CTNNA3: variants seen among roughly 807,000 people sequenced by gnomAD.
CTNNA3 encodes the protein catenin alpha-3.
In CTNNA3, 76 loss-of-function variants were observed where a neutral mutation model predicts 95.7. The ratio of observed to expected loss-of-function variants is 0.79; its 90% CI spans 0.66 to 0.96. The LOEUF is 0.96. Among genes scored for constraint, CTNNA3 ranks in the 40% least tolerant of loss-of-function variants. CTNNA3 has a pLI of 0.00. For missense variants in CTNNA3, 1,191 were observed against 1,089.8 expected, an observed-to-expected ratio of 1.09 and a Z score of -1.31; for synonymous variants, 431 against 374.4, an observed-to-expected ratio of 1.15 and a Z score of -1.74.
intron 2 of CTNNA3, among the ~76,000 whole-genome samples, chr10:67,634,603 A>G (rs1271507975): frequency 6.6e-6 from 1 of 152,220 alleles, no homozygotes; most frequent in Admixed American, 6.5e-5. Flanking sequence ...AAAGACACAC[A>G]TCAGCTCAAA....
At chr10:65,968,999 G>A (rs1819534488) in intron 16 of CTNNA3, among the ~76,000 whole-genome samples, 1 of 152,182 alleles carries the variant, frequency 6.6e-6, no homozygotes. Context: ...TGCACTACAA[G>A]AATAAGCCCA....
intron 9 of CTNNA3, among the ~76,000 whole-genome samples, chr10:66,669,975 G>C (rs1369745940): frequency 6.6e-6 from 1 of 152,032 alleles, no homozygotes; most frequent in Admixed American, 6.6e-5. Context: ...TAAATTTTGA[G>C]ATGTCTTCTA....
chr10:67,487,650 T>A (rs1325798572), intron 5 of CTNNA3, among the ~76,000 whole-genome samples: 1 of 152,050 alleles, frequency 6.6e-6, no homozygotes, highest in African/African-American at 2.4e-5. Flanking sequence ...AAAGCTAGAG[T>A]TGTAACCTGT....
intron 7 of CTNNA3, among the ~76,000 whole-genome samples, chr10:66,947,516 C>A (rs1469723616): frequency 1.9e-4 from 29 of 151,942 alleles, no homozygotes. Context: ...CTCTTTGTTT[C>A]CCCCACCCTC....
At chr10:67,055,998 C>T (rs1211508467) in intron 7 of CTNNA3, among the ~76,000 whole-genome samples, 1 of 152,016 alleles carries the variant, frequency 6.6e-6, no homozygotes, top group East Asian at 1.9e-4. Context: ...TGCCTCACCT[C>T]TTATGTTCTT....
At chr10:66,965,251 T>A (rs1849336206) in intron 7 of CTNNA3, among the ~76,000 whole-genome samples, 1 of 150,622 alleles carries the variant, frequency 6.6e-6, no homozygotes. Flanking sequence ...TTTGTTTGTT[T>A]TTTGGCTCGG....
At chr10:66,818,553 T>C (rs1842176927) in intron 7 of CTNNA3, among the ~76,000 whole-genome samples, 1 of 152,140 alleles carries the variant, frequency 6.6e-6, no homozygotes, top group Non-Finnish European at 1.5e-5. Context: ...CAAAGGAAGT[T>C]CAAGACTTGC....
At chr10:66,421,913 TATACAC>T in intron 11 of CTNNA3, among the ~76,000 whole-genome samples, 1 of 145,374 alleles carries the variant, frequency 6.9e-6, no homozygotes, top group East Asian at 2.0e-4. Flanking sequence ...TATATATATA[TATACAC>T]ACACACACAA....
intron 3 of CTNNA3, among the ~76,000 whole-genome samples, chr10:67,557,121 T>C (rs1198130851): frequency 6.6e-6 from 1 of 152,048 alleles, no homozygotes. Flanking sequence ...CCAGTCATCT[T>C]AAAGTAACAG....
intron 5 of CTNNA3, among the ~76,000 whole-genome samples, chr10:67,319,562 T>A (rs535110478): frequency 1.3e-5 from 2 of 152,170 alleles, no homozygotes; most frequent in African/African-American, 4.8e-5. Context: ...TGGTAAGGAC[T>A]CCTTTCCAAG....
intron 5 of CTNNA3, among the ~76,000 whole-genome samples, chr10:67,509,961 C>CATGT (rs1839558343): frequency 6.6e-6 from 1 of 152,194 alleles, no homozygotes; most frequent in Non-Finnish European, 1.5e-5. Context: ...AGCATTTTTT[C>CATGT]ATGTGTCTGT....
chr10:65,952,546 AAT>A (rs936561079), intron 17 of CTNNA3, among the ~76,000 whole-genome samples: 7 of 124,214 alleles, frequency 5.6e-5, no homozygotes, highest in Admixed American at 9.1e-5. Context: ...TTAATTTTCC[AAT>A]TTTTTTTTAA....
chr10:67,270,019 T>G (rs186577588), intron 5 of CTNNA3, among the ~76,000 whole-genome samples: 10 of 151,906 alleles, frequency 6.6e-5, no homozygotes, highest in African/African-American at 2.4e-4. Context: ...AATACAGAAC[T>G]GAGAATAAAT....
intron 7 of CTNNA3, among the ~76,000 whole-genome samples, chr10:66,818,965 C>T (rs1300489871): frequency 6.6e-6 from 1 of 151,886 alleles, no homozygotes; most frequent in Non-Finnish European, 1.5e-5. Flanking sequence ...TAGTGCGTGC[C>T]TGTAATCCCA....
chr10:66,327,134 T>C (rs1186607683), intron 12 of CTNNA3, among the ~76,000 whole-genome samples: 1 of 152,038 alleles, frequency 6.6e-6, no homozygotes, highest in East Asian at 1.9e-4. Context: ...AATGTCAAAA[T>C]CTAACTAACT....
intron 13 of CTNNA3, among the ~76,000 whole-genome samples, chr10:66,223,670 T>C (rs2089094116): frequency 6.6e-6 from 1 of 152,208 alleles, no homozygotes; most frequent in African/African-American, 2.4e-5. Flanking sequence ...TGTCAATTAT[T>C]GGCTTGGTAT....
intron 11 of CTNNA3, among the ~76,000 whole-genome samples, chr10:66,495,153 G>A (rs772231878): frequency 5.9e-5 from 9 of 152,094 alleles, no homozygotes; most frequent in Admixed American, 2.0e-4. Flanking sequence ...ATTCACCACA[G>A]TAGCATGGCA....
At chr10:67,464,941 A>C (rs1421153225) in intron 5 of CTNNA3, among the ~76,000 whole-genome samples, 1 of 151,850 alleles carries the variant, frequency 6.6e-6, no homozygotes, top group South Asian at 2.1e-4. Context: ...GAAAAGTTTA[A>C]TGGGGGAGAA....
intron 5 of CTNNA3, among the ~76,000 whole-genome samples, chr10:67,492,528 G>A (rs1838883184): frequency 6.6e-6 from 1 of 152,194 alleles, no homozygotes; most frequent in Non-Finnish European, 1.5e-5. Context: ...GAGACAATGT[G>A]CTTATGTCCC....
Sources: gnomAD v4.1 joint callset for allele counts (sites outside exome capture counted in the v4.1 genomes callset) on GRCh38, gnomAD v4.1.1 for gene constraint, MANE v1.5 for transcripts, NCBI Gene and HGNC (gene_info 2026-07-23, HGNC 2026-07-21) for gene names.